Variants in LNX1 observed in about 807,000 individuals in gnomAD.
LNX1 encodes the protein E3 ubiquitin-protein ligase LNX.
LNX1 carries 54 observed loss-of-function variants against 68.4 expected under a neutral mutation model. The observed-to-expected ratio is 0.79, with a 90% CI of 0.63 to 0.99. LNX1 has a LOEUF of 0.99. LNX1 is among the 50% of genes least tolerant of loss of function. LNX1 has a pLI of 0.00. For synonymous variants in LNX1, 336 were observed against 350.0 expected (o/e 0.96, Z 0.45); for missense variants, 906 against 926.4 (o/e 0.98, Z 0.29).
chr4:53,461,437 A>C lies in LNX1; in HGVS notation c.2049T>G (p.Ile683Met), dbSNP rs754598639. 1.2e-6 allele frequency: 2 copies of C among 1,604,062 alleles called. No individual in the cohort carries two copies. Among genetic ancestry groups the C allele is most frequent in the South Asian group, 2.2e-5 (2 of 89,990 alleles). ...EGTPAYNDGR[I>M]RCGDILLAVN... is the part of the protein sequence containing the mutation. ...TTTTGATTAGTCATTATTATTACCT[A>C]ATTCTTCCATCATTGTATGCTGGTG... is the stretch of plus-strand genomic sequence containing the variant. Residue 683 changes from isoleucine to methionine, a missense_variant and splice_region_variant, in exon 10 of 11, where the codon ATT (isoleucine) becomes ATG (methionine). Physicochemically the swap from Ile to Met is conservative, Grantham distance 10 (BLOSUM62 1). Coordinates refer to ENST00000263925, the MANE Select transcript of LNX1 (RefSeq NM_001126328.3).
chr4:53,530,459 GA>G (rs1488088705), intron 2 of LNX1, among the ~76,000 whole-genome samples: 1 of 152,104 alleles, frequency 6.6e-6, no homozygotes, highest in Non-Finnish European at 1.5e-5. Context: ...AAAGAATACT[GA>G]GATTATATTT....
At chr4:53,469,034 T>TA (rs748629307) in intron 9 of LNX1, among the ~76,000 whole-genome samples, 2 of 152,162 alleles carry the variant, frequency 1.3e-5, no homozygotes, top group African/African-American at 2.4e-5. Flanking sequence ...CAACAGAATA[T>TA]ACATTCTTTC....
chr4:53,644,238 T>G (rs1203664303), intron 1 of LNX1, among the ~76,000 whole-genome samples: 1 of 152,000 alleles, frequency 6.6e-6, no homozygotes, highest in African/African-American at 2.4e-5. Flanking sequence ...CTGTCTCTAC[T>G]AAAAATACAA....
intron 4 of LNX1, among the ~76,000 whole-genome samples, chr4:53,501,316 G>A (rs1156912752): frequency 7.6e-6 from 1 of 130,780 alleles, no homozygotes; most frequent in Non-Finnish European, 1.6e-5. Flanking sequence ...GGGGGGACAG[G>A]ATCTCACTCT....
In LNX1 at chr4:53,602,846, A is replaced by G. The variant is rs548982080; in HGVS notation, c.-214-11331T>C. ...TTTACTCTATTTTAAAACAAGCCAA[A>G]TATACCTGAAAGCATAGAAATTTCA... On this transcript the variant is annotated intron_variant, in intron 2 of 3. Coordinates refer to the LNX1 transcript ENST00000504299. 4 of 152,346 alleles carry G rather than the reference A, an allele frequency of 2.6e-5. No homozygotes were observed. In the South Asian group the frequency reaches 8.3e-4, roughly 32 times the overall value. The allele number at this position is 152,346 out of a possible 1,614,324, so 9.4% of individuals were successfully genotyped here.
At chr4:53,648,464 G>A (rs926214326) in intron 1 of LNX1, among the ~76,000 whole-genome samples, 24 of 152,088 alleles carry the variant, frequency 1.6e-4, no homozygotes, top group African/African-American at 5.6e-4. Flanking sequence ...GTTTTTTGTT[G>A]TTGTTGAACT....
intron 5 of LNX1, among the ~76,000 whole-genome samples, chr4:53,497,000 G>A (rs1182358480): frequency 2.0e-5 from 3 of 152,164 alleles, no homozygotes; most frequent in Non-Finnish European, 4.4e-5. Flanking sequence ...AGGTCTCAGG[G>A]TGGTCCCCTG....
chr4:53,515,868 T>C (rs1726738133), intron 2 of LNX1, among the ~76,000 whole-genome samples: 1 of 152,206 alleles, frequency 6.6e-6, no homozygotes, highest in Admixed American at 6.5e-5. Flanking sequence ...CTACTGGCTC[T>C]GCAACTTTGG....
At chr4:53,490,843 C>T (rs1025917751) in intron 6 of LNX1, among the ~76,000 whole-genome samples, 15 of 152,164 alleles carry the variant, frequency 9.9e-5, no homozygotes, top group South Asian at 2.1e-4. Flanking sequence ...TCTTCAGAAA[C>T]GGCATGCGAT....
chr4:53,646,095 C>T (rs1734874830), intron 1 of LNX1, among the ~76,000 whole-genome samples: 2 of 152,160 alleles, frequency 1.3e-5, no homozygotes, highest in Admixed American at 1.3e-4. Context: ...CCCAACTATA[C>T]CAGTCATGAA....
intron 9 of LNX1, among the ~76,000 whole-genome samples, chr4:53,462,355 G>GTGTT (rs35767390): frequency 0.23 from 35,387 of 151,782 alleles, 5,046 homozygotes; most frequent in Non-Finnish European, 0.32. Context: ...TACAGGCCAA[G>GTGTT]TGTTAACTAT....
chr4:53,616,194 C>CT (rs1180712822), intron 2 of LNX1, among the ~76,000 whole-genome samples: 2 of 152,118 alleles, frequency 1.3e-5, no homozygotes, highest in South Asian at 2.1e-4. Flanking sequence ...CAGTATCTAT[C>CT]TTTTTTCTAG....
At chr4:53,576,078 G>C in intron 1 of LNX1, 1 of 1,554,654 alleles carries the variant, frequency 6.4e-7, no homozygotes, top group Non-Finnish European at 8.7e-7. Flanking sequence ...CCCAAGACCT[G>C]GTCGGGGACT....
chr4:53,627,087 GC>G (rs1384218005), intron 1 of LNX1, among the ~76,000 whole-genome samples: 1 of 152,138 alleles, frequency 6.6e-6, no homozygotes, highest in African/African-American at 2.4e-5. Context: ...AGCTTCCTTT[GC>G]CCCAGGTACA....
chr4:53,568,997 T>C lies in LNX1; in HGVS notation c.380+4626A>G, dbSNP rs1421201935. Among the ~76,000 whole-genome samples the C allele has an allele frequency of 2.0e-3, 308 of 150,566 alleles. 2 individuals carry two copies. Among genetic ancestry groups the C allele is most frequent in the African/African-American group, 7.3e-3 (301 of 41,058 alleles). On this transcript the variant is annotated intron_variant, in intron 2 of 10. Transcript: ENST00000263925. ...TTCAAGGAGAACTACAAACCACTGC[T>C]CAAGGAAATAAAAGAGGATACAAAC...
intron 1 of LNX1, among the ~76,000 whole-genome samples, chr4:53,585,830 G>A (rs1732137296): frequency 1.3e-5 from 2 of 152,128 alleles, no homozygotes; most frequent in South Asian, 2.1e-4. Context: ...ACAATAAATG[G>A]GAGTTGTTTT....
chr4:53,551,517 A>C (rs1041570396), intron 2 of LNX1, among the ~76,000 whole-genome samples: 7 of 152,292 alleles, frequency 4.6e-5, no homozygotes, highest in Middle Eastern at 3.4e-3. Flanking sequence ...ACTGATAAGG[A>C]GAAAAAGCCC....
At chr4:53,560,613 C>T (rs1371144650) in intron 2 of LNX1, among the ~76,000 whole-genome samples, 2 of 152,170 alleles carry the variant, frequency 1.3e-5, no homozygotes, top group Admixed American at 6.5e-5. Context: ...TCCATTGGCA[C>T]ATTGTATTTT....
chr4:53,473,181 A>G lies in LNX1; in HGVS notation c.1892+3572T>C, dbSNP rs554671484. The stretch of plus-strand genomic sequence containing the variant: ...CAACTGCTCTATGAACAAGAGCTCA[A>G]TGCAGAGATAAGACTTCAAGGAAGA... On this transcript the variant is annotated intron_variant, in intron 9 of 10. Transcript: ENST00000263925. Among the ~76,000 whole-genome samples, 15 of 152,350 alleles carry G rather than the reference A, an allele frequency of 9.8e-5. No individual in the cohort carries two copies. The East Asian group carries it at 2.7e-3, about 27-fold the overall frequency.
Sources: gnomAD v4.1 joint callset for allele counts (sites outside exome capture counted in the v4.1 genomes callset) on GRCh38, gnomAD v4.1.1 for gene constraint, MANE v1.5 for transcripts, NCBI Gene and HGNC (gene_info 2026-07-23, HGNC 2026-07-21) for gene names.